SAMD5: variants seen among roughly 807,000 people sequenced by gnomAD.
The protein encoded by SAMD5 is sterile alpha motif domain containing 5.
In SAMD5, 13 loss-of-function variants were observed where a neutral mutation model predicts 11.3. The ratio of observed to expected loss-of-function variants is 1.15; its 90% CI spans 0.75 to 1.83. The LOEUF is 1.83. SAMD5 is among the 40% of genes most tolerant of loss of function. SAMD5 has a pLI of 0.00. For synonymous variants in SAMD5, 129 were observed against 111.3 expected (o/e 1.16, Z -1.00); for missense variants, 255 against 239.1 (o/e 1.07, Z -0.44).
At chr6:147,870,482 G>GTATA in the SAMD5 span, among the ~76,000 whole-genome samples, 2 of 135,256 alleles carry the variant, frequency 1.5e-5, no homozygotes, top group African/African-American at 5.9e-5. Flanking sequence ...GTGTGTGTGT[G>GTATA]TATATATATA....
chr6:147,820,700 A>G, the SAMD5 span, among the ~76,000 whole-genome samples: 10 of 152,304 alleles, frequency 6.6e-5, no homozygotes, highest in East Asian at 1.7e-3. Context: ...TTGCTCTTGA[A>G]TGGTATTTGT....
intron 1 of SAMD5, among the ~76,000 whole-genome samples, chr6:147,602,217 A>G (rs1789627607): frequency 6.6e-6 from 1 of 152,248 alleles, no homozygotes; most frequent in African/African-American, 2.4e-5. Context: ...GACAGGCTAA[A>G]GAATGAAAGT....
At chr6:147,859,184 C>A in the SAMD5 span, among the ~76,000 whole-genome samples, 1 of 152,054 alleles carries the variant, frequency 6.6e-6, no homozygotes, top group Non-Finnish European at 1.5e-5. Flanking sequence ...CCAAGTGGAG[C>A]CTCCCTTTGT....
intron 1 of SAMD5, chr6:147,737,205 C>T (rs2128460464): frequency 2.0e-5 from 7 of 341,644 alleles, no homozygotes; most frequent in South Asian, 6.7e-5. Flanking sequence ...ACAGCATGTC[C>T]CTCCCATCCT....
At chr6:147,897,771 C>A in the SAMD5 span, among the ~76,000 whole-genome samples, 38 of 151,692 alleles carry the variant, frequency 2.5e-4, no homozygotes, top group Non-Finnish European at 4.4e-4. Context: ...ATGGTGCAAC[C>A]CTGTCTCTAC....
At chr6:147,600,418 C>A (rs1789597989) in intron 1 of SAMD5, among the ~76,000 whole-genome samples, 1 of 152,146 alleles carries the variant, frequency 6.6e-6, no homozygotes, top group Non-Finnish European at 1.5e-5. Context: ...GATAGATTTT[C>A]TATTCCTTGA....
the SAMD5 span, among the ~76,000 whole-genome samples, chr6:147,812,436 G>T: frequency 6.6e-5 from 10 of 152,064 alleles, no homozygotes; most frequent in African/African-American, 2.4e-4. Flanking sequence ...GAGCGGAAGG[G>T]CTCAGGCACT....
At chr6:147,509,441 C>T in intron 1 of SAMD5, 54 bp downstream of exon 1, 1 of 1,458,262 alleles carries the variant, frequency 6.9e-7, no homozygotes, top group Non-Finnish European at 9.1e-7. Flanking sequence ...GGGACACAGC[C>T]CAGCTGCCTG....
At chr6:147,676,010 C>G (rs940162985) in intron 1 of SAMD5, 1 of 152,186 alleles carries the variant, frequency 6.6e-6, no homozygotes, top group Non-Finnish European at 1.5e-5. Flanking sequence ...TTATTTTACA[C>G]TGCATGGTGA....
chr6:147,723,939 T>C (rs1289845289), intron 1 of SAMD5, among the ~76,000 whole-genome samples: 2 of 152,194 alleles, frequency 1.3e-5, no homozygotes, highest in Non-Finnish European at 2.9e-5. Flanking sequence ...GTGGAACTCC[T>C]TAAGTATAAT....
At chr6:147,932,384 C>CGGACTTA in the SAMD5 span, among the ~76,000 whole-genome samples, 2 of 152,048 alleles carry the variant, frequency 1.3e-5, no homozygotes, top group Non-Finnish European at 2.9e-5. Context: ...GGAGTGTCAG[C>CGGACTTA]GGACTTAATG....
the SAMD5 span, among the ~76,000 whole-genome samples, chr6:147,931,086 G>A: frequency 6.6e-6 from 1 of 152,188 alleles, no homozygotes; most frequent in African/African-American, 2.4e-5. Flanking sequence ...AACTGAGGTC[G>A]TATTGCCTCC....
At chr6:147,850,394 T>C in the SAMD5 span, among the ~76,000 whole-genome samples, 1 of 152,148 alleles carries the variant, frequency 6.6e-6, no homozygotes, top group African/African-American at 2.4e-5. Context: ...AAAATTAAAC[T>C]TATATTACTT....
intron 1 of SAMD5, among the ~76,000 whole-genome samples, chr6:147,607,938 G>GA (rs901763997): frequency 4.0e-5 from 6 of 151,870 alleles, no homozygotes; most frequent in Non-Finnish European, 7.4e-5. Flanking sequence ...AACTCTGTAG[G>GA]AAAAAAAATC....
At chr6:147,935,055 T>C in the SAMD5 span, among the ~76,000 whole-genome samples, 2 of 152,176 alleles carry the variant, frequency 1.3e-5, no homozygotes, top group African/African-American at 2.4e-5. Flanking sequence ...TGCTCCTTAC[T>C]GATTCAGGTT....
At chr6:147,866,357 T>C in the SAMD5 span, among the ~76,000 whole-genome samples, 159 of 152,296 alleles carry the variant, frequency 1.0e-3, no homozygotes, top group African/African-American at 3.6e-3. Context: ...ACAATACATG[T>C]GGTTTTGATG....
intron 1 of SAMD5, among the ~76,000 whole-genome samples, chr6:147,555,172 G>A (rs965438019): frequency 3.3e-5 from 5 of 152,174 alleles, no homozygotes; most frequent in Admixed American, 2.6e-4. Flanking sequence ...TGAATATTCT[G>A]TGTAACAAAA....
At chr6:147,940,782 T>C in the SAMD5 span, among the ~76,000 whole-genome samples, 1 of 152,022 alleles carries the variant, frequency 6.6e-6, no homozygotes, top group African/African-American at 2.4e-5. Flanking sequence ...GCCAATATGG[T>C]GAAACCCCGT....
intron 1 of SAMD5, among the ~76,000 whole-genome samples, chr6:147,723,984 A>G (rs941226746): frequency 1.3e-5 from 2 of 152,194 alleles, no homozygotes; most frequent in Non-Finnish European, 2.9e-5. Context: ...GAAGGCTGGG[A>G]TATAGGAGAT....
Sources: gnomAD v4.1 joint callset for allele counts (sites outside exome capture counted in the v4.1 genomes callset) on GRCh38, gnomAD v4.1.1 for gene constraint, MANE v1.5 for transcripts, NCBI Gene and HGNC (gene_info 2026-07-23, HGNC 2026-07-21) for gene names.